GOLGA4: variants seen among roughly 807,000 people sequenced by gnomAD.
The protein encoded by GOLGA4 is golgin A4.
In GOLGA4, 169 loss-of-function variants were observed where a neutral mutation model predicts 265.9. The observed-to-expected ratio is 0.64, with a 90% confidence interval of 0.56 to 0.72. GOLGA4 has a LOEUF of 0.72. GOLGA4 is among the 30% of genes least tolerant of loss of function. The probability of loss-of-function intolerance (pLI) is 0.00; values close to 1 mark genes in which losing one functional copy is unlikely to be tolerated. For missense variants in GOLGA4, 2,482 were observed against 2,483.4 expected (o/e 1.00, Z 0.01); for synonymous variants, 923 against 855.8 (o/e 1.08, Z -1.37).
Position 37,326,282 on chromosome 3 carries a change from C to T in GOLGA4, c.4396C>T (p.Gln1466Ter). 1 of 1,612,648 alleles carries T rather than the reference C, an allele frequency of 6.2e-7. No individual in the cohort carries two copies. Among genetic ancestry groups the T allele is most frequent in the Non-Finnish European group, 8.5e-7 (1 of 1,179,202 alleles). ...HQNTVKELQI[Q>*]LELKSKEAYE... ...AAACACTGTTAAAGAATTGCAGATC[C>T]AGCTTGAGTTAAAATCAAAGGAAGC... Residue 1466 changes from glutamine (Q) to a stop codon, truncating the protein, a stop_gained, in exon 14 of 24, where the codon CAG becomes TAG. Coordinates refer to ENST00000361924, the MANE Select transcript of GOLGA4 (RefSeq NM_002078.5). LOFTEE classifies it high-confidence loss of function.
intron 2 of GOLGA4, chr3:37,276,670 G>A (rs2150744535): frequency 1.5e-6 from 2 of 1,340,652 alleles, no homozygotes; most frequent in Non-Finnish European, 2.1e-6. Context: ...ACTAGGCCAA[G>A]CAACTAGTTT....
At chr3:37,243,896 C>T (rs941123756) in intron 1 of GOLGA4, 13 of 491,478 alleles carry the variant, frequency 2.6e-5, no homozygotes, top group Middle Eastern at 5.2e-4. Context: ...GAGTTTTCTC[C>T]TAAGGCCAGA....
rs1323242393 is a variant in GOLGA4, at chr3:37,323,660, G to C, written c.1774G>C (p.Val592Leu). ...CAAAAATCAGTCAAAAGATTTGGCT[G>C]TTCATCTGGAAGCTGAAAAAAATAA... is the stretch of plus-strand genomic sequence containing the variant. ...ENKNQSKDLAVHLEAEKNKHN... is the reference protein window; with the variant it reads ...ENKNQSKDLALHLEAEKNKHN... The change falls in exon 14 of 24, where the codon GTT (valine) becomes CTT (leucine). Residue 592 changes from valine (V) to leucine (L), a missense_variant. Physicochemically the swap from Val to Leu is conservative, Grantham distance 32 (BLOSUM62 1). Coordinates refer to ENST00000361924, the MANE Select transcript of GOLGA4 (RefSeq NM_002078.5). 2.5e-6 allele frequency: 4 copies of C among 1,594,174 alleles called. No individual in the cohort carries two copies. Among genetic ancestry groups the C allele is most frequent in the Non-Finnish European group, 3.4e-6 (4 of 1,174,302 alleles).
chr3:37,275,209 C>T (rs2096811655), intron 2 of GOLGA4, among the ~76,000 whole-genome samples: 1 of 123,506 alleles, frequency 8.1e-6, no homozygotes, highest in Non-Finnish European at 1.6e-5. Flanking sequence ...GAGCGAGACT[C>T]CGTCTCAAAA....
In GOLGA4 at chr3:37,321,789, T is replaced by C. The variant is rs1209375234; in HGVS notation, c.1604T>C (p.Leu535Ser). The change falls in exon 13 of 24, where the codon TTG becomes TCG. Residue 535 changes from leucine to serine, a missense_variant. Around this residue, in one of 3 missense-constraint regions of GOLGA4, gnomAD observed 1,536 missense variants for 1,483.7 expected, o/e 1.04. Transcript: ENST00000361924. ...CAAGAAAAAGAACAGCAAGAATCTT[T>C]GGCCCTAGAAGAGTTAGAGTTGCAG... ...ISQEKEQQESLALEELELQKK... is the reference protein window; with the variant it reads ...ISQEKEQQESSALEELELQKK... The C allele has an allele frequency of 6.2e-7, 1 of 1,612,764 alleles. No homozygotes were observed. The highest frequency in any genetic ancestry group is 8.5e-7 in the Non-Finnish European group (1 of 1,179,492).
Position 37,335,030 on chromosome 3 carries a change from TTC to T in GOLGA4, c.6193-21_6193-20del. On this transcript the variant is annotated intron_variant, in intron 16 of 23. Transcript: ENST00000361924. ...GCTTCTTTTTTTTCTTTTCCTTTTTTTCTTTTTTTTTAAATCCTAAAGGCTCG... is the reference window on the plus strand; with the variant it reads ...GCTTCTTTTTTTTCTTTTCCTTTTTTTTTTTTTTTAAATCCTAAAGGCTCG... 5 of 1,406,962 alleles carry T rather than the reference TTC, an allele frequency of 3.6e-6. No homozygotes were observed. The Middle Eastern group carries it at 5.5e-4, about 156-fold the overall frequency. The allele number at this position is 1,406,962 out of a possible 1,614,324, so 87.2% of individuals were successfully genotyped here.
intron 10 of GOLGA4, among the ~76,000 whole-genome samples, chr3:37,315,155 T>G (rs1156618128): frequency 1.3e-5 from 2 of 152,194 alleles, no homozygotes; most frequent in African/African-American, 2.4e-5. Context: ...CTTCAGTAAT[T>G]TATTTTTTCC....
intron 20 of GOLGA4, 121 bp from the exon 21 acceptor site, chr3:37,347,072 A>G (rs764995307): frequency 1.7e-6 from 1 of 573,092 alleles, no homozygotes; most frequent in Non-Finnish European, 3.0e-6. Flanking sequence ...ATGCAATATG[A>G]TACAATATAA....
chr3:37,267,476 T>A (rs533011659), intron 2 of GOLGA4, among the ~76,000 whole-genome samples: 1 of 152,356 alleles, frequency 6.6e-6, no homozygotes, highest in South Asian at 2.1e-4. Flanking sequence ...GTCTCATTTG[T>A]TTTTAAGTGA....
intron 10 of GOLGA4, 57 bp from the exon 11 acceptor site, chr3:37,315,363 C>G: frequency 6.9e-7 from 1 of 1,450,930 alleles, no homozygotes; most frequent in South Asian, 1.2e-5. Flanking sequence ...ATGTAAAACA[C>G]TTTAGCTCAA....
chr3:37,281,019 A>G (rs903974546), intron 2 of GOLGA4, among the ~76,000 whole-genome samples: 2 of 152,116 alleles, frequency 1.3e-5, no homozygotes, highest in Non-Finnish European at 1.5e-5. Context: ...TCCCTGGAGT[A>G]TTTCACTCCT....
chr3:37,290,183 G>C (rs2096861173), intron 5 of GOLGA4, among the ~76,000 whole-genome samples: 1 of 152,088 alleles, frequency 6.6e-6, no homozygotes, highest in African/African-American at 2.4e-5. Context: ...TAGTAATTGA[G>C]AAAAACTAGT....
At chr3:37,274,979 C>T (rs981770994) in intron 2 of GOLGA4, among the ~76,000 whole-genome samples, 3 of 151,258 alleles carry the variant, frequency 2.0e-5, no homozygotes, top group Admixed American at 6.6e-5. Context: ...TTTGGGAGGC[C>T]GAGGTGGGTG....
At chr3:37,304,400 C>G (rs1236117596) in intron 10 of GOLGA4, among the ~76,000 whole-genome samples, 2 of 152,080 alleles carry the variant, frequency 1.3e-5, no homozygotes, top group Admixed American at 6.5e-5. Flanking sequence ...CTCATCAAAC[C>G]TAAGAAAACT....
intron 10 of GOLGA4, among the ~76,000 whole-genome samples, chr3:37,303,823 G>A (rs941861177): frequency 3.9e-5 from 6 of 152,148 alleles, no homozygotes; most frequent in Middle Eastern, 3.2e-3. Flanking sequence ...TAATACTACT[G>A]CTAGCCATTA....
chr3:37,279,539 CAT>C (rs1460790753), intron 2 of GOLGA4, among the ~76,000 whole-genome samples: 2 of 152,222 alleles, frequency 1.3e-5, no homozygotes, highest in African/African-American at 4.8e-5. Context: ...GGCCAAGACT[CAT>C]GTGCTTTACT....
intron 21 of GOLGA4, among the ~76,000 whole-genome samples, chr3:37,353,394 G>A (rs570528765): frequency 2.0e-5 from 3 of 152,168 alleles, no homozygotes; most frequent in South Asian, 2.1e-4. Flanking sequence ...AAAGTGAAGC[G>A]CAATAGAATG....
At chr3:37,292,360 C>A (rs1334746688) in intron 5 of GOLGA4, among the ~76,000 whole-genome samples, 1 of 152,080 alleles carries the variant, frequency 6.6e-6, no homozygotes. Context: ...GAATAAGTAC[C>A]CAGATTCTTT....
rs1251713885 is a variant in GOLGA4, at chr3:37,243,530, G to A, written c.-21G>A. 1 of 1,612,756 alleles carries A rather than the reference G, an allele frequency of 6.2e-7. No homozygotes were observed. The highest frequency in any genetic ancestry group is 2.2e-5 in the East Asian group (1 of 44,852). On this transcript the variant is annotated 5_prime_UTR_variant, in exon 1 of 24. Coordinates refer to ENST00000361924, the MANE Select transcript of GOLGA4 (RefSeq NM_002078.5). ...GCCCTTCAGGTTTCGTTGACACTCA[G>A]GACCGTACGTACGCTGCGCCATGTT...
Sources: allele counts gnomAD v4.1 joint callset (sites outside exome capture counted in the v4.1 genomes callset), GRCh38; gene constraint gnomAD v4.1.1; regional missense constraint gnomAD v4.1.1; transcripts MANE v1.5; gene names NCBI Gene and HGNC (gene_info 2026-07-23, HGNC 2026-07-21).